Variants in ARID2 observed in about 807,000 individuals in gnomAD.
The protein encoded by ARID2 is AT-rich interactive domain-containing protein 2.
Under a neutral mutation model 184.6 loss-of-function variants are expected in ARID2, and 32 were observed. That is an observed-to-expected ratio of 0.17 (90% CI 0.13 to 0.23). The LOEUF is 0.23. Ranked by LOEUF, ARID2 falls within the 10% of genes least tolerant of loss-of-function variation. The pLI, the probability that ARID2 is intolerant of heterozygous loss-of-function variation, is 1.00. For missense variants in ARID2, 1,696 were observed against 2,197.6 expected (o/e 0.77, Z 4.56); for synonymous variants, 836 against 772.6 (o/e 1.08, Z -1.36).
chr12:45,887,992 G>A (rs887205711), intron 16 of ARID2, among the ~76,000 whole-genome samples: 5 of 152,274 alleles, frequency 3.3e-5, no homozygotes, highest in African/African-American at 1.2e-4. Context: ...TCAGGAGATT[G>A]AGACCATCCT....
At chr12:45,804,358 A>G (rs1555147770) in intron 3 of ARID2, among the ~76,000 whole-genome samples, 1 of 152,092 alleles carries the variant, frequency 6.6e-6, no homozygotes, top group Non-Finnish European at 1.5e-5. Flanking sequence ...TGATCTACAG[A>G]TGAGTTTAAT....
intron 6 of ARID2, among the ~76,000 whole-genome samples, chr12:45,832,961 C>T (rs1400242254): frequency 6.6e-6 from 1 of 152,096 alleles, no homozygotes; most frequent in East Asian, 1.9e-4. Context: ...AGTCCTAGAA[C>T]CAGTCCCCAC....
intron 16 of ARID2, among the ~76,000 whole-genome samples, chr12:45,887,249 AAT>A (rs543860391): frequency 6.6e-6 from 1 of 152,094 alleles, no homozygotes; most frequent in Non-Finnish European, 1.5e-5. Context: ...GTAACTGAAA[AAT>A]ATATATATAT....
chr12:45,820,860 A>T (rs1022111102), intron 5 of ARID2, among the ~76,000 whole-genome samples: 1 of 152,156 alleles, frequency 6.6e-6, no homozygotes, highest in African/African-American at 2.4e-5. Context: ...ACGAAAACAG[A>T]TGGTTTGACT....
chr12:45,893,866 G>A, intron 20 of ARID2, 145 bp downstream of exon 20: 1 of 597,566 alleles, frequency 1.7e-6, no homozygotes, highest in East Asian at 3.2e-5. Context: ...CCTAGGTCAG[G>A]CCATGATGAG....
rs753528071 is a variant in ARID2 at position 45,851,325 on chromosome 12, C to T, written c.3202C>T (p.Arg1068Cys). ...GATTAAACAGCTTCTGCTTCCGAAA[C>T]GTGGTCCTTCAACACCAGGTGGTAA... The part of the protein sequence containing the change: ...SLIKQLLLPK[R>C]GPSTPGGKLI... The change falls in exon 15 of 21, where the codon CGT becomes TGT. Residue 1068 changes from arginine (R) to cysteine (C), a missense_variant. Around this residue, in one of 11 missense-constraint regions of ARID2, gnomAD observed 713 missense variants for 824.4 expected, o/e 0.86. Coordinates refer to ENST00000334344, the MANE Select transcript of ARID2 (RefSeq NM_152641.4). The T allele has an allele frequency of 1.7e-5, 27 of 1,614,030 alleles. No homozygotes were observed. The highest frequency in any genetic ancestry group is 1.8e-5 in the Non-Finnish European group (21 of 1,180,020).
chr12:45,866,605 A>G (rs1943834952), intron 16 of ARID2, among the ~76,000 whole-genome samples: 1 of 152,198 alleles, frequency 6.6e-6, no homozygotes, highest in South Asian at 2.1e-4. Context: ...CTACCTGGCT[A>G]CTCAAAACTG....
At position 45,851,055 on chromosome 12, in the gene ARID2, C is replaced by A. The variant is rs762144914; in HGVS notation, c.2932C>A (p.Pro978Thr). Residue 978 changes from proline to threonine, a missense_variant, in exon 15 of 21, where the codon CCA (proline) becomes ACA (threonine). Physicochemically the swap from Pro to Thr is conservative, Grantham distance 38. Coordinates refer to ENST00000334344, the MANE Select transcript of ARID2 (RefSeq NM_152641.4). ...TCCATCTTCTTCACCATCACCTGTC[C>A]CAGCTACTAATAACCAAGTCCCTAC... The part of the protein sequence containing the change: ...ITPSSSPSPV[P>T]ATNNQVPTAM... The A allele has an allele frequency of 6.2e-7, 1 of 1,614,148 alleles. No homozygotes were observed. The highest frequency in any genetic ancestry group is 1.7e-5 in the Admixed American group (1 of 60,014).
At chr12:45,833,944 C>G (rs1444331076) in intron 6 of ARID2, among the ~76,000 whole-genome samples, 2 of 152,182 alleles carry the variant, frequency 1.3e-5, no homozygotes, top group Non-Finnish European at 2.9e-5. Flanking sequence ...AATTTGCTCT[C>G]ATATTCTAGC....
intron 15 of ARID2, among the ~76,000 whole-genome samples, chr12:45,855,430 G>A (rs374005145): frequency 2.6e-5 from 4 of 152,236 alleles, no homozygotes; most frequent in Admixed American, 6.5e-5. Context: ...GAGATGTAGC[G>A]TACATGATGT....
intron 3 of ARID2, among the ~76,000 whole-genome samples, chr12:45,810,899 T>G (rs1457789490): frequency 6.6e-6 from 1 of 152,184 alleles, no homozygotes; most frequent in Non-Finnish European, 1.5e-5. Flanking sequence ...TCTGAAAATA[T>G]AAAAATACTT....
At chr12:45,847,973 T>C (rs1407973332) in intron 12 of ARID2, among the ~76,000 whole-genome samples, 1 of 152,046 alleles carries the variant, frequency 6.6e-6, no homozygotes, top group Non-Finnish European at 1.5e-5. Flanking sequence ...CAGACAGGAT[T>C]ATGAAAGTTG....
At chr12:45,868,594 A>G (rs1017132599) in intron 16 of ARID2, among the ~76,000 whole-genome samples, 2 of 152,144 alleles carry the variant, frequency 1.3e-5, no homozygotes, top group Non-Finnish European at 2.9e-5. Flanking sequence ...TAAAATGCAC[A>G]TTTTTTGCTT....
chr12:45,763,664 A>T (rs1445042416), intron 3 of ARID2, among the ~76,000 whole-genome samples: 2 of 150,726 alleles, frequency 1.3e-5, no homozygotes, highest in African/African-American at 2.5e-5. Context: ...TTTTTTTAAA[A>T]TTTTTTTGTA....
chr12:45,783,090 C>A (rs143407582), intron 3 of ARID2, among the ~76,000 whole-genome samples: 1 of 151,562 alleles, frequency 6.6e-6, no homozygotes, highest in Non-Finnish European at 1.5e-5. Flanking sequence ...GCCAAGATCA[C>A]GCCACTTTAC....
At chr12:45,819,682 T>A (rs1452419255) in intron 5 of ARID2, among the ~76,000 whole-genome samples, 1 of 152,002 alleles carries the variant, frequency 6.6e-6, no homozygotes, top group Non-Finnish European at 1.5e-5. Context: ...AATTTTATAT[T>A]TCTGCCCTAT....
chr12:45,769,650 A>C (rs577502464), intron 3 of ARID2, among the ~76,000 whole-genome samples: 1 of 152,296 alleles, frequency 6.6e-6, no homozygotes, highest in Admixed American at 6.5e-5. Context: ...TTCATTGCCA[A>C]ATTTATTCAC....
intron 3 of ARID2, among the ~76,000 whole-genome samples, chr12:45,738,779 CTTTTTT>C (rs11333868): frequency 1.3e-4 from 8 of 62,298 alleles, no homozygotes; most frequent in South Asian, 8.0e-4. Context: ...ATATGGGCTA[CTTTTTT>C]TTTTTTTTTT....
At chr12:45,860,068 A>T (rs1592126707) in intron 15 of ARID2, among the ~76,000 whole-genome samples, 2 of 152,228 alleles carry the variant, frequency 1.3e-5, no homozygotes, top group South Asian at 2.1e-4. Flanking sequence ...ATATAATTAG[A>T]CTGGGGGCTG....
Sources: gnomAD v4.1 joint callset for allele counts (sites outside exome capture counted in the v4.1 genomes callset) on GRCh38, gnomAD v4.1.1 for gene constraint, gnomAD v4.1.1 regional missense constraint, MANE v1.5 for transcripts, NCBI Gene and HGNC (gene_info 2026-07-23, HGNC 2026-07-21) for gene names.